PRPF8: variants seen among roughly 807,000 people sequenced by gnomAD.
PRPF8 encodes pre-mRNA-processing-splicing factor 8.
In PRPF8, 64 loss-of-function variants were observed where a neutral mutation model predicts 285.9. The observed-to-expected ratio is 0.22, with a 90% CI of 0.18 to 0.28. PRPF8 has a LOEUF of 0.28. Ranked by LOEUF, PRPF8 falls within the 10% of genes least tolerant of loss-of-function variation. The pLI is 1.00. For missense variants in PRPF8, 1,426 were observed against 3,026.7 expected (o/e 0.47, Z 12.41); for synonymous variants, 1,325 against 1,118.2 (o/e 1.18, Z -3.69).
At chr17:1,662,917 G>A (rs892479032) in intron 24 of PRPF8, among the ~76,000 whole-genome samples, 1 of 151,180 alleles carries the variant, frequency 6.6e-6, no homozygotes, top group Non-Finnish European at 1.5e-5. Flanking sequence ...GAAATGGTAA[G>A]TATGTGGGTA....
intron 24 of PRPF8, among the ~76,000 whole-genome samples, chr17:1,670,922 T>C (rs1912278394): frequency 6.8e-6 from 1 of 147,954 alleles, no homozygotes; most frequent in Non-Finnish European, 1.5e-5. Context: ...TCTGCATCTG[T>C]AGTGTGGGAA....
chr17:1,660,126 T>TA, intron 30 of PRPF8, 125 bp from the exon 31 acceptor site: 1 of 1,212,004 alleles, frequency 8.3e-7, no homozygotes, highest in South Asian at 1.2e-5. Context: ...ATTTCCCATA[T>TA]GCAAAAGAGC....
rs760036132 is a variant in PRPF8 at position 1,681,103 on chromosome 17, G to A, written c.867-49C>T. The A allele has an allele frequency of 6.4e-6, 10 of 1,567,372 alleles. No homozygotes were observed. The African/African-American group carries it at 1.1e-4, about 17-fold the overall frequency. On this transcript the variant is annotated intron_variant, in intron 6 of 42. Transcript: ENST00000304992. ...GCAGACTTTTTTTTTTTTGAGACAG[G>A]GTCTCACTCTTATCACCCAAGCTGG...
chr17:1,661,753 G>T lies in PRPF8; in HGVS notation c.4060C>A (p.Arg1354Ser). 1 of 1,614,212 alleles carries T rather than the reference G, an allele frequency of 6.2e-7. No individual in the cohort carries two copies. Among genetic ancestry groups the T allele is most frequent in the Non-Finnish European group, 8.5e-7 (1 of 1,180,046 alleles). ...TCTTCTTCATGGCTCATTCCTGAACGAAAGTGTGTGATACCTACATCTGTC... is the reference window on the plus strand; with the variant it reads ...TCTTCTTCATGGCTCATTCCTGAACTAAAGTGTGTGATACCTACATCTGTC... ...KQTDVGITHF[R>S]SGMSHEEDQL... Residue 1354 changes from arginine (R) to serine (S), a missense_variant, in exon 26 of 43, where the codon CGT becomes AGT. Around this residue, in one of 34 missense-constraint regions of PRPF8, gnomAD observed 16 missense variants for 16.3 expected, o/e 0.98. Coordinates refer to ENST00000304992, the MANE Select transcript of PRPF8 (RefSeq NM_006445.4). This position sits in a 1 kb window ranked among gnomAD's most constrained non-coding sequence, Gnocchi z 7.3.
rs746811192 is a variant in PRPF8 at position 1,679,657 on chromosome 17, C to T, written c.1241G>A (p.Arg414His). The T allele has an allele frequency of 5.6e-6, 9 of 1,614,092 alleles. No homozygotes were observed. The highest frequency in any genetic ancestry group is 2.2e-5 in the East Asian group (1 of 44,890). Residue 414 changes from arginine to histidine, a missense_variant, in exon 9 of 43, where the codon CGC becomes CAC. By Grantham distance (29) the Arg-to-His change is conservative. This residue lies in a region of PRPF8 where 137 missense variants were observed against 161.2 expected (regional missense o/e 0.85). Coordinates refer to ENST00000304992, the MANE Select transcript of PRPF8 (RefSeq NM_006445.4). This position sits in a 1 kb window ranked among gnomAD's most constrained non-coding sequence, Gnocchi z 4.7. Reference sequence around the variant, plus strand: ...CAGGGCCCGACGGGTGCGACCAGAGCGTAGGTTGAAGGGCCGCGGGGCCCA... The same window carrying T: ...CAGGGCCCGACGGGTGCGACCAGAGTGTAGGTTGAAGGGCCGCGGGGCCCA... ...LLWAPRPFNL[R>H]SGRTRRALDI... is the part of the protein sequence containing the mutation.
Position 1,679,662 on chromosome 17 carries a change from G to A in PRPF8, c.1236C>T (p.Asn412=), listed in dbSNP as rs1443537172. The change falls in exon 9 of 43, where the codon AAC becomes AAT. Residue 412 remains asparagine, a synonymous_variant. Transcript: ENST00000304992. The surrounding 1 kb of genome is among the most constrained non-coding windows in gnomAD (Gnocchi z 4.7). ...CCCGACGGGTGCGACCAGAGCGTAGGTTGAAGGGCCGCGGGGCCCAGAGCA... is the reference window on the plus strand; with the variant it reads ...CCCGACGGGTGCGACCAGAGCGTAGATTGAAGGGCCGCGGGGCCCAGAGCA... ...IALLWAPRPF[N]LRSGRTRRAL... is the part of the protein sequence containing the mutation. 1 of 1,614,030 alleles carries A rather than the reference G, an allele frequency of 6.2e-7. No homozygotes were observed. Among genetic ancestry groups the A allele is most frequent in the Non-Finnish European group, 8.5e-7 (1 of 1,180,026 alleles).
At chr17:1,672,900 C>T (rs1912403255) in intron 24 of PRPF8, 181 bp downstream of exon 24, 4 of 664,788 alleles carry the variant, frequency 6.0e-6, no homozygotes, top group Non-Finnish European at 1.1e-5. Flanking sequence ...ACAAGGAACG[C>T]TCAGAAAATA....
rs1420322473 is a variant in PRPF8 at position 1,655,407 on chromosome 17, A to G, written c.5930T>C (p.Ile1977Thr). 4.3e-6 allele frequency: 7 copies of G among 1,613,952 alleles called. No individual in the cohort carries two copies. The highest frequency in any genetic ancestry group is 5.9e-6 in the Non-Finnish European group (7 of 1,180,026). Residue 1977 changes from isoleucine to threonine, a missense_variant, in exon 37 of 43, where the codon ATC becomes ACC. This residue lies in a region of PRPF8 where 35 missense variants were observed against 47.7 expected (regional missense o/e 0.73). Transcript: ENST00000304992. The part of the protein sequence containing the change: ...IWPTLTDEEW[I>T]KVEVQLKDLI... Reference sequence around the variant, plus strand: ...ATCCTTGAGCTGCACCTCGACCTTGATCCATTCTTCGTCAGTCAGAGTGGG... The same window carrying G: ...ATCCTTGAGCTGCACCTCGACCTTGGTCCATTCTTCGTCAGTCAGAGTGGG...
At chr17:1,678,029 G>A (rs376760092) in intron 13 of PRPF8, among the ~76,000 whole-genome samples, 20 of 152,120 alleles carry the variant, frequency 1.3e-4, no homozygotes, top group Non-Finnish European at 2.2e-4. Context: ...GTTAAGTCCA[G>A]TGAGGCTGGG....
intron 24 of PRPF8, among the ~76,000 whole-genome samples, chr17:1,664,057 G>T (rs1010452085): frequency 2.6e-5 from 4 of 152,148 alleles, no homozygotes; most frequent in Admixed American, 2.0e-4. Flanking sequence ...GCAAGACAGG[G>T]TCTTGCTCTG....
intron 8 of PRPF8, chr17:1,680,490 T>C (rs1912853405): frequency 1.7e-6 from 1 of 600,900 alleles, no homozygotes; most frequent in African/African-American, 1.9e-5. Flanking sequence ...GGACAGATTA[T>C]CTAGAGCACC....
intron 24 of PRPF8, among the ~76,000 whole-genome samples, chr17:1,672,040 A>C (rs1000509697): frequency 6.6e-6 from 1 of 152,172 alleles, no homozygotes; most frequent in African/African-American, 2.4e-5. Flanking sequence ...GAAAATATTA[A>C]AAAAGAAAAT....
chr17:1,653,449 C>T lies in PRPF8; in HGVS notation c.6369+93G>A. ...ATTACTCATCCATGAATCTTGAAAC[C>T]AGCATCTCAAGTTCCAGACAATCTC... On this transcript the variant is annotated intron_variant, in intron 39 of 42. Transcript: ENST00000304992. This position sits in a 1 kb window ranked among gnomAD's most constrained non-coding sequence, Gnocchi z 4.9. The T allele has an allele frequency of 6.5e-7, 1 of 1,538,966 alleles. No individual in the cohort carries two copies. Among genetic ancestry groups the T allele is most frequent in the African/African-American group, 1.4e-5 (1 of 73,458 alleles).
At chr17:1,682,334 G>T in intron 3 of PRPF8, 41 bp from the exon 4 acceptor site, 1 of 1,601,222 alleles carries the variant, frequency 6.2e-7, no homozygotes, top group Non-Finnish European at 8.6e-7. Context: ...GAAATGACGA[G>T]GTGTTCTGCT....
chr17:1,679,919 G>A lies in PRPF8; in HGVS notation c.1099-120C>T. 1 of 1,190,800 alleles carries A rather than the reference G, an allele frequency of 8.4e-7. No individual in the cohort carries two copies. The highest frequency in any genetic ancestry group is 1.3e-6 in the Non-Finnish European group (1 of 799,640). 73.8% of individuals were successfully genotyped at this position (1,190,800 alleles called of 1,614,324 possible). ...ATCTGCTATGGAAACTGGGCTGTCT[G>A]ACAAAAGCAGCCCTGAAGTGCCAGC... On this transcript the variant is annotated intron_variant, in intron 8 of 42. Coordinates refer to ENST00000304992, the MANE Select transcript of PRPF8 (RefSeq NM_006445.4). This position sits in a 1 kb window ranked among gnomAD's most constrained non-coding sequence, Gnocchi z 4.7.
chr17:1,677,807 G>A (rs1315492636), intron 13 of PRPF8, 113 bp from the exon 14 acceptor site: 44 of 1,384,532 alleles, frequency 3.2e-5, no homozygotes, highest in East Asian at 1.6e-4. Flanking sequence ...AGGAATGTAG[G>A]TATGGCAGTA....
Position 1,667,815 on chromosome 17 carries a change from T to G in PRPF8, c.3774+5266A>C, listed in dbSNP as rs1912081062. Among the ~76,000 whole-genome samples the G allele has an allele frequency of 2.6e-5, 4 of 152,324 alleles. No individual in the cohort carries two copies. In the South Asian group the frequency reaches 8.3e-4, roughly 32 times the overall value. Reference sequence around the variant, plus strand: ...CCTCGGCCTCCCAAAGTGCTGGGATTACAGGCGTGAGCCACCGCACCCGGC... The same window carrying G: ...CCTCGGCCTCCCAAAGTGCTGGGATGACAGGCGTGAGCCACCGCACCCGGC... On this transcript the variant is annotated intron_variant, in intron 24 of 42. Transcript: ENST00000304992.
chr17:1,677,225 A>T, intron 14 of PRPF8, 53 bp from the exon 15 acceptor site: 1 of 1,527,340 alleles, frequency 6.5e-7, no homozygotes, highest in Non-Finnish European at 9.0e-7. Flanking sequence ...TGCTTTCAAT[A>T]AGGGTCTCTA....
In PRPF8 at chr17:1,681,838, G is replaced by A. The variant is rs1567692567; in HGVS notation, c.635C>T (p.Pro212Leu). 1.9e-6 allele frequency: 3 copies of A among 1,613,814 alleles called. No homozygotes were observed. Among genetic ancestry groups the A allele is most frequent in the Non-Finnish European group, 2.5e-6 (3 of 1,179,970 alleles). Residue 212 changes from proline (P) to leucine (L), a missense_variant, in exon 5 of 43, where the codon CCG (proline) becomes CTG (leucine). By Grantham distance (98) the Pro-to-Leu change is moderately conservative (BLOSUM62 -3). Transcript: ENST00000304992. ...PVLDWFYDHQ[P>L]LRDSRKYVNG... is the part of the protein sequence containing the mutation. The stretch of plus-strand genomic sequence containing the variant: ...CACTCACTTCCTGCTGTCCCTCAAC[G>A]GCTGGTGGTCATAGAACCAGTCCAA...
Sources: gnomAD v4.1 joint callset for allele counts (sites outside exome capture counted in the v4.1 genomes callset) on GRCh38, gnomAD v4.1.1 for gene constraint, gnomAD v4.1.1 regional missense constraint, Gnocchi (gnomAD v3.1) non-coding constraint, MANE v1.5 for transcripts, NCBI Gene and HGNC (gene_info 2026-07-23, HGNC 2026-07-21) for gene names.